EIF2AK1: variants seen among roughly 807,000 people sequenced by gnomAD.
The protein encoded by EIF2AK1 is eukaryotic translation initiation factor 2 alpha kinase 1, also known as eukaryotic translation initiation factor 2-alpha kinase 1.
In EIF2AK1, 54 loss-of-function variants were observed where a neutral mutation model predicts 77.9. The ratio of observed to expected loss-of-function variants is 0.69; its 90% CI spans 0.56 to 0.87. The LOEUF (loss-of-function observed/expected upper bound fraction) is 0.87, where lower values mean the gene tolerates loss of function less well. EIF2AK1 is among the 40% of genes least tolerant of loss of function. The pLI, the probability that EIF2AK1 is intolerant of heterozygous loss-of-function variation, is 0.00. For synonymous variants in EIF2AK1, 314 were observed against 290.5 expected, an observed-to-expected ratio of 1.08 and a Z score of -0.82; for missense variants, 810 against 768.6, an observed-to-expected ratio of 1.05 and a Z score of -0.64.
chr7:6,058,900 T>A, intron 1 of EIF2AK1, 66 bp downstream of exon 1: 1 of 1,398,664 alleles, frequency 7.1e-7, no homozygotes, highest in Non-Finnish European at 9.5e-7. Flanking sequence ...CAGGGCTGCC[T>A]TTGCCGCCCA....
chr7:6,027,033 C>T lies in EIF2AK1; in HGVS notation c.1531-72G>A, dbSNP rs891640731. On this transcript the variant is annotated intron_variant, in intron 13 of 14. Transcript: ENST00000199389. This position sits in a 1 kb window ranked among gnomAD's most constrained non-coding sequence, Gnocchi z 4.5. Reference sequence around the variant, plus strand: ...GAAGAACGTTTCCATTTCCGTGTTCCACCCTCCAAACAGGAGAGGGTTTCT... The same window carrying T: ...GAAGAACGTTTCCATTTCCGTGTTCTACCCTCCAAACAGGAGAGGGTTTCT... 5.5e-6 allele frequency: 7 copies of T among 1,277,192 alleles called. No individual in the cohort carries two copies. Among genetic ancestry groups the T allele is most frequent in the Non-Finnish European group, 5.6e-6 (5 of 887,130 alleles). The allele number at this position is 1,277,192 out of a possible 1,614,324, so 79.1% of individuals were successfully genotyped here.
chr7:6,030,992 AT>A (rs1397483414), intron 11 of EIF2AK1, among the ~76,000 whole-genome samples: 1 of 152,210 alleles, frequency 6.6e-6, no homozygotes, highest in African/African-American at 2.4e-5. Flanking sequence ...AAACTAAAAA[AT>A]AACTTAAGGT....
chr7:6,055,065 G>A (rs921758658), intron 1 of EIF2AK1, among the ~76,000 whole-genome samples: 1 of 152,076 alleles, frequency 6.6e-6, no homozygotes, highest in East Asian at 1.9e-4. Context: ...GAGGATGGCC[G>A]GGCGCGGTTG....
At chr7:6,026,468 C>T (rs993181932) in intron 14 of EIF2AK1, 17 of 636,744 alleles carry the variant, frequency 2.7e-5, no homozygotes, top group Non-Finnish European at 3.6e-5. Flanking sequence ...CCCAGCCCTC[C>T]GCTCCTCTTT....
At position 6,023,307 on chromosome 7, in the gene EIF2AK1, G is replaced by T; in HGVS notation, c.*1366C>A. On this transcript the variant is annotated 3_prime_UTR_variant, in exon 15 of 15. Transcript: ENST00000199389. ...TGGCGTGTTTTTTCTTTTCAGTGCC[G>T]AAGACGCAGATGAAATTCAGCATCC... 1 of 1,593,922 alleles carries T rather than the reference G, an allele frequency of 6.3e-7. No homozygotes were observed. Among genetic ancestry groups the T allele is most frequent in the Non-Finnish European group, 8.5e-7 (1 of 1,172,068 alleles).
intron 2 of EIF2AK1, among the ~76,000 whole-genome samples, chr7:6,051,328 A>G (rs1362871658): frequency 1.3e-5 from 2 of 149,144 alleles, no homozygotes; most frequent in African/African-American, 5.0e-5. Context: ...CTGGAGTGCA[A>G]TGGCACGATC....
chr7:6,055,840 G>C (rs940162587), intron 1 of EIF2AK1, among the ~76,000 whole-genome samples: 4 of 151,216 alleles, frequency 2.6e-5, no homozygotes, highest in African/African-American at 9.7e-5. Flanking sequence ...TTAGCCAGGC[G>C]TGGTGGCGCA....
chr7:6,038,837 C>A (rs2302330), intron 9 of EIF2AK1, among the ~76,000 whole-genome samples, 166 bp from the exon 10 acceptor site: 30,767 of 152,008 alleles, frequency 0.2, 3,986 homozygotes, highest in African/African-American at 0.37. Flanking sequence ...GTCCTCAGGA[C>A]ACAGGCCCAC....
At chr7:6,042,015 G>A (rs1788313145) in intron 8 of EIF2AK1, among the ~76,000 whole-genome samples, 2 of 152,110 alleles carry the variant, frequency 1.3e-5, no homozygotes, top group African/African-American at 2.4e-5. Context: ...CAGACATGGT[G>A]GCGCAAGCTT....
chr7:6,039,535 C>T (rs1033234270), intron 9 of EIF2AK1, among the ~76,000 whole-genome samples: 4 of 149,466 alleles, frequency 2.7e-5, no homozygotes, highest in Non-Finnish European at 4.4e-5. Context: ...GCAGGAGAAT[C>T]GCTTGAACCT....
Position 6,038,630 on chromosome 7 carries a change from A to G in EIF2AK1, c.1161T>C (p.Cys387=). ...CTATCCAATCCCACAGCGAGAGCTC[A>G]CACAGCTGCATCTGGATGTGCAGCA... ...HLMLHIQMQL[C]ELSLWDWIVE... The change falls in exon 10 of 15, where the codon TGT becomes TGC. Residue 387 remains cysteine (C), a synonymous_variant. Coordinates refer to ENST00000199389, the MANE Select transcript of EIF2AK1 (RefSeq NM_014413.4). The G allele has an allele frequency of 6.2e-7, 1 of 1,613,330 alleles. No homozygotes were observed. The highest frequency in any genetic ancestry group is 8.5e-7 in the Non-Finnish European group (1 of 1,179,644).
intron 3 of EIF2AK1, 32 bp downstream of exon 3, chr7:6,049,879 TG>T (rs1411919755): frequency 6.4e-7 from 1 of 1,567,132 alleles, no homozygotes; most frequent in Non-Finnish European, 8.6e-7. Flanking sequence ...AGTATATTTT[TG>T]TCATACCCAA....
chr7:6,054,646 G>A lies in EIF2AK1; in HGVS notation c.177C>T (p.Phe59=). 1 of 1,614,210 alleles carries A rather than the reference G, an allele frequency of 6.2e-7. No individual in the cohort carries two copies. The highest frequency in any genetic ancestry group is 8.5e-7 in the Non-Finnish European group (1 of 1,180,038). Residue 59 remains phenylalanine, a synonymous_variant, in exon 2 of 15, where the codon TTC becomes TTT. Transcript: ENST00000199389. ...AGAGTTGGTTTGCAACTGCAAAAGG[G>A]AAGGTTGGCTGTTGTAGGGGTTCTT... ...VLKEPLQQPT[F]PFAVANQLLL...
Position 6,028,648 on chromosome 7 carries a change from G to C in EIF2AK1, c.1497C>G (p.Pro499=), listed in dbSNP as rs532345337. Residue 499 remains proline, a synonymous_variant, in exon 13 of 15, where the codon CCC becomes CCG. Transcript: ENST00000199389. ...CATACTCAGATCCTTCCAACTGTTC[G>C]GGTGAAGCGTACAGACAAGTACCCA... is the stretch of plus-strand genomic sequence containing the variant. ...SRVGTCLYAS[P]EQLEGSEYDA... 6.2e-7 allele frequency: 1 copy of C among 1,614,158 alleles called. No individual in the cohort carries two copies. Among genetic ancestry groups the C allele is most frequent in the Admixed American group, 1.7e-5 (1 of 60,002 alleles).
rs778345050 is a variant in EIF2AK1 at position 6,035,399 on chromosome 7, T to C, written c.1332+2025A>G. The C allele has an allele frequency of 7.4e-5, 112 of 1,508,454 alleles. No individual in the cohort carries two copies. The highest frequency in any genetic ancestry group is 6.8e-4 in the Middle Eastern group (4 of 5,854). The allele number at this position is 1,508,454 out of a possible 1,614,324, so 93.4% of individuals were successfully genotyped here. ...GCATTAACTGTCCACGTAGAGCCGTTCCCACTGTGAATTCAGTGTAACGTG... is the reference window on the plus strand; with the variant it reads ...GCATTAACTGTCCACGTAGAGCCGTCCCCACTGTGAATTCAGTGTAACGTG... On this transcript the variant is annotated intron_variant, in intron 11 of 14. Coordinates refer to ENST00000199389, the MANE Select transcript of EIF2AK1 (RefSeq NM_014413.4). The surrounding 1 kb of genome is among the most constrained non-coding windows in gnomAD (Gnocchi z 5.5).
chr7:6,058,695 C>T (rs1455707747), intron 1 of EIF2AK1, among the ~76,000 whole-genome samples: 11 of 152,226 alleles, frequency 7.2e-5, no homozygotes, highest in Admixed American at 7.2e-4. Flanking sequence ...TGTCCCCAGC[C>T]ATCCGAAGGC....
rs751100874 is a variant in EIF2AK1 at position 6,027,988 on chromosome 7, A to C, written c.1530+627T>G. 1.1e-5 allele frequency: 5 copies of C among 453,792 alleles called. No homozygotes were observed. Among genetic ancestry groups the C allele is most frequent in the Non-Finnish European group, 1.8e-5 (4 of 225,834 alleles). 28.1% of individuals were successfully genotyped at this position (453,792 alleles called of 1,614,324 possible). On this transcript the variant is annotated intron_variant, in intron 13 of 14. Coordinates refer to ENST00000199389, the MANE Select transcript of EIF2AK1 (RefSeq NM_014413.4). The surrounding 1 kb of genome is among the most constrained non-coding windows in gnomAD (Gnocchi z 4.5). ...TGAGGTGGGAGGATCACTTGAGCCC[A>C]GGAGTTGGAGGCTGCCATGAGCTAT...
Position 6,050,000 on chromosome 7 carries a change from G to C in EIF2AK1, c.323C>G (p.Thr108Ser). 1 of 1,612,980 alleles carries C rather than the reference G, an allele frequency of 6.2e-7. No homozygotes were observed. The highest frequency in any genetic ancestry group is 8.5e-7 in the Non-Finnish European group (1 of 1,179,518). ...FIKMGLLSSF[T>S]CSDEFSSLRL... ...CAATGAGCTAAACTCGTCACTACAAGTGAAAGAAGACAGCAGCCCCATTTT... is the reference window on the plus strand; with the variant it reads ...CAATGAGCTAAACTCGTCACTACAACTGAAAGAAGACAGCAGCCCCATTTT... The change falls in exon 3 of 15, where the codon ACT (threonine) becomes AGT (serine). Residue 108 changes from threonine to serine, a missense_variant. Around this residue, in one of 3 missense-constraint regions of EIF2AK1, gnomAD observed 246 missense variants for 199.0 expected, o/e 1.24. Transcript: ENST00000199389.
At chr7:6,039,674 C>G (rs1179752946) in intron 9 of EIF2AK1, among the ~76,000 whole-genome samples, 1 of 139,256 alleles carries the variant, frequency 7.2e-6, no homozygotes, top group Non-Finnish European at 1.6e-5. Context: ...GTGGCTCATG[C>G]CTGTAATCCC....
Sources: allele counts gnomAD v4.1 joint callset (sites outside exome capture counted in the v4.1 genomes callset), GRCh38; gene constraint gnomAD v4.1.1; regional missense constraint gnomAD v4.1.1; non-coding constraint Gnocchi (gnomAD v3.1); transcripts MANE v1.5; gene names NCBI Gene and HGNC (gene_info 2026-07-23, HGNC 2026-07-21).